TSPAN18: variants seen among roughly 807,000 people sequenced by gnomAD.
The protein encoded by TSPAN18 is tetraspanin-18.
In TSPAN18, 14 loss-of-function variants were observed where a neutral mutation model predicts 27.3. The observed-to-expected ratio is 0.51, with a 90% CI of 0.34 to 0.80. TSPAN18 has a LOEUF of 0.80. Ranked by LOEUF, TSPAN18 falls within the 30% of genes least tolerant of loss-of-function variation. TSPAN18 has a pLI of 0.01. For missense variants in TSPAN18, 268 were observed against 323.9 expected (o/e 0.83, Z 1.32); for synonymous variants, 143 against 136.5 (o/e 1.05, Z -0.33).
chr11:44,781,721 G>T (rs1443671883), intron 2 of TSPAN18, among the ~76,000 whole-genome samples: 1 of 152,058 alleles, frequency 6.6e-6, no homozygotes, highest in Admixed American at 6.6e-5. Context: ...CTTTACTGAG[G>T]TTATCATTTA....
Position 44,886,937 on chromosome 11 carries a change from C to T in TSPAN18, c.-10-19470C>T, listed in dbSNP as rs540073443. Among the ~76,000 whole-genome samples, 100 of 152,138 alleles carry T rather than the reference C, an allele frequency of 6.6e-4. 1 individual carries two copies. The highest frequency in any genetic ancestry group is 1.0e-3 in the Non-Finnish European group (71 of 68,040). ...TATTGTCTGTGTGGGTTTGTTTGCA[C>T]GTGTCTCTGTGTGTAGAGCAAGAGG... On this transcript the variant is annotated intron_variant, in intron 3 of 9. Transcript: ENST00000520358.
chr11:44,767,090 G>T (rs958075100), intron 2 of TSPAN18, among the ~76,000 whole-genome samples: 3 of 152,148 alleles, frequency 2.0e-5, no homozygotes. Flanking sequence ...AAACAGTGGG[G>T]TTACCCTGGA....
At position 44,830,072 on chromosome 11, in the gene TSPAN18, C is replaced by A. The variant is rs536027591; in HGVS notation, c.-152-30256C>A. Among the ~76,000 whole-genome samples, 4 of 152,328 alleles carry A rather than the reference C, an allele frequency of 2.6e-5. No homozygotes were observed. The South Asian group carries it at 8.3e-4, about 32-fold the overall frequency. ...CCTCACAAGGTTACGTCACTTCCTT[C>A]CCCTAGCCCACTCCACACCATCCAC... On this transcript the variant is annotated intron_variant, in intron 2 of 9. Coordinates refer to ENST00000520358, the MANE Select transcript of TSPAN18 (RefSeq NM_130783.5).
chr11:44,880,763 G>A (rs1858467917), intron 3 of TSPAN18, among the ~76,000 whole-genome samples: 1 of 152,264 alleles, frequency 6.6e-6, no homozygotes, highest in African/African-American at 2.4e-5. Flanking sequence ...TTGGACTCAA[G>A]GACCTCTGAG....
chr11:44,901,615 G>A (rs1435491264), intron 3 of TSPAN18, among the ~76,000 whole-genome samples: 1 of 152,220 alleles, frequency 6.6e-6, no homozygotes, highest in African/African-American at 2.4e-5. Flanking sequence ...ACACAAGAAG[G>A]CACTGAGGCC....
chr11:44,917,746 A>G (rs1023583928), intron 5 of TSPAN18: 3 of 577,676 alleles, frequency 5.2e-6, no homozygotes, highest in Non-Finnish European at 9.3e-6. Context: ...CATGGAAGGT[A>G]TATATTTGTT....
chr11:44,781,670 A>C (rs1169122813), intron 2 of TSPAN18, among the ~76,000 whole-genome samples: 1 of 152,052 alleles, frequency 6.6e-6, no homozygotes, highest in African/African-American at 2.4e-5. Flanking sequence ...ATACACACTT[A>C]CCCAGCAACT....
intron 3 of TSPAN18, chr11:44,897,793 A>G: frequency 7.8e-7 from 1 of 1,289,354 alleles, no homozygotes; most frequent in Non-Finnish European, 1.0e-6. Flanking sequence ...CGCTGACGGG[A>G]GAGTCTGTCC....
chr11:44,911,392 A>G (rs764669217), intron 5 of TSPAN18, among the ~76,000 whole-genome samples: 3 of 152,088 alleles, frequency 2.0e-5, no homozygotes, highest in East Asian at 1.9e-4. Flanking sequence ...TCCCCATCCA[A>G]AGGAAGTGAA....
intron 4 of TSPAN18, among the ~76,000 whole-genome samples, chr11:44,908,580 CA>C (rs1331863766): frequency 2.0e-5 from 3 of 151,482 alleles, no homozygotes; most frequent in Non-Finnish European, 2.9e-5. Context: ...TAGAAAAATA[CA>C]AAAATTAGCC....
intron 4 of TSPAN18, among the ~76,000 whole-genome samples, chr11:44,908,641 A>AG (rs5791653): frequency 0.9 from 136,155 of 151,124 alleles, 61,375 homozygotes; most frequent in Admixed American, 0.93. Flanking sequence ...AGGCTGAGGT[A>AG]GAGGATGACT....
At chr11:44,795,177 T>C (rs1856320567) in intron 2 of TSPAN18, among the ~76,000 whole-genome samples, 1 of 149,150 alleles carries the variant, frequency 6.7e-6, no homozygotes, top group South Asian at 2.2e-4. Flanking sequence ...CCACCTGGGC[T>C]CCTTCAACAA....
chr11:44,819,090 G>A (rs1382411673), intron 2 of TSPAN18, among the ~76,000 whole-genome samples: 9 of 152,210 alleles, frequency 5.9e-5, no homozygotes, highest in South Asian at 4.1e-4. Context: ...CCTGGTGTGC[G>A]GATGTGGAGC....
At chr11:44,919,387 C>T in intron 7 of TSPAN18, 75 bp downstream of exon 7, 1 of 1,267,248 alleles carries the variant, frequency 7.9e-7, no homozygotes, top group South Asian at 1.2e-5. Context: ...CGCCAGGCAT[C>T]AGTAATCAAT....
intron 8 of TSPAN18, among the ~76,000 whole-genome samples, chr11:44,925,185 C>A (rs1041751649): frequency 4.6e-5 from 7 of 152,242 alleles, no homozygotes; most frequent in Non-Finnish European, 7.3e-5. Context: ...CTTTCAAAGC[C>A]TGGCCACAGC....
intron 1 of TSPAN18, among the ~76,000 whole-genome samples, chr11:44,741,511 GA>G (rs1289692813): frequency 6.7e-5 from 10 of 148,916 alleles, no homozygotes; most frequent in African/African-American, 1.3e-4. Context: ...AATATTTTTG[GA>G]AAAAAAAATA....
intron 3 of TSPAN18, among the ~76,000 whole-genome samples, chr11:44,862,495 T>C (rs1004822936): frequency 9.8e-5 from 15 of 152,334 alleles, no homozygotes; most frequent in African/African-American, 3.6e-4. Context: ...CTGCCTTATA[T>C]GGTGAGCTCA....
At chr11:44,785,964 G>A (rs1162174888) in intron 2 of TSPAN18, among the ~76,000 whole-genome samples, 2 of 152,226 alleles carry the variant, frequency 1.3e-5, no homozygotes, top group African/African-American at 4.8e-5. Context: ...TTTCTACAAG[G>A]TGGATACGGC....
intron 2 of TSPAN18, among the ~76,000 whole-genome samples, chr11:44,766,549 G>C (rs1270772001): frequency 6.6e-6 from 1 of 152,186 alleles, no homozygotes; most frequent in East Asian, 1.9e-4. Context: ...TCCATCAGGG[G>C]AAGTCGTGGG....
Sources: gnomAD v4.1 joint callset for allele counts (sites outside exome capture counted in the v4.1 genomes callset) on GRCh38, gnomAD v4.1.1 for gene constraint, MANE v1.5 for transcripts, NCBI Gene and HGNC (gene_info 2026-07-23, HGNC 2026-07-21) for gene names.